ATXN1: variants seen among roughly 807,000 people sequenced by gnomAD.
ATXN1 encodes ataxin 1.
ATXN1 carries 8 observed loss-of-function variants against 56.4 expected under a neutral mutation model. The observed-to-expected ratio is 0.14, with a 90% CI of 0.08 to 0.26. The LOEUF (loss-of-function observed/expected upper bound fraction) is 0.26, where lower values mean the gene tolerates loss of function less well. Among genes scored for constraint, ATXN1 ranks in the 10% least tolerant of loss-of-function variants. ATXN1 has a pLI of 1.00. For missense variants in ATXN1, 987 were observed against 1,106.5 expected (o/e 0.89, Z 1.53); for synonymous variants, 514 against 494.6 (o/e 1.04, Z -0.52).
In ATXN1 at chr6:16,387,769, C is replaced by T. The variant is rs113357231; in HGVS notation, c.-160-59299G>A. On this transcript the variant is annotated intron_variant, in intron 6 of 7. Coordinates refer to ENST00000436367, the MANE Select transcript of ATXN1 (RefSeq NM_001128164.2). ...TAATTCTTCCTTCCACATAAAATATCGAATCAGGCTATCAGATATCTCCTG... is the reference window on the plus strand; with the variant it reads ...TAATTCTTCCTTCCACATAAAATATTGAATCAGGCTATCAGATATCTCCTG... Among the ~76,000 whole-genome samples, 919 of 152,218 alleles carry T rather than the reference C, an allele frequency of 6.0e-3. 6 individuals carry two copies. Among genetic ancestry groups the T allele is most frequent in the African/African-American group, 0.021 (853 of 41,510 alleles).
At chr6:16,707,155 T>C (rs558585973) in intron 2 of ATXN1, among the ~76,000 whole-genome samples, 3 of 152,284 alleles carry the variant, frequency 2.0e-5, no homozygotes, top group Admixed American at 6.5e-5. Context: ...GACAGAAATG[T>C]GGAAGCTAGC....
intron 6 of ATXN1, chr6:16,485,713 G>T (rs1760530208): frequency 6.6e-6 from 1 of 152,166 alleles, no homozygotes; most frequent in Non-Finnish European, 1.5e-5. Flanking sequence ...AAGAATCACT[G>T]TATTCCATCC....
chr6:16,481,237 G>A (rs1235595514), intron 6 of ATXN1, among the ~76,000 whole-genome samples: 4 of 152,184 alleles, frequency 2.6e-5, no homozygotes, highest in Non-Finnish European at 2.9e-5. Flanking sequence ...TCCAAAAGTG[G>A]TGGAATCTCC....
chr6:16,696,322 GA>G (rs1355694202), intron 2 of ATXN1, among the ~76,000 whole-genome samples: 1 of 152,174 alleles, frequency 6.6e-6, no homozygotes, highest in African/African-American at 2.4e-5. Flanking sequence ...CTGTGGCATC[GA>G]GAAGAATTAT....
At chr6:16,560,365 G>T (rs1762094175) in intron 4 of ATXN1, among the ~76,000 whole-genome samples, 1 of 134,266 alleles carries the variant, frequency 7.4e-6, no homozygotes, top group African/African-American at 2.8e-5. Context: ...GGAGGCGGAG[G>T]TTGCAGTGCA....
At chr6:16,496,318 T>C (rs1291981793) in intron 5 of ATXN1, among the ~76,000 whole-genome samples, 1 of 152,268 alleles carries the variant, frequency 6.6e-6, no homozygotes, top group Non-Finnish European at 1.5e-5. Context: ...GCATTATATC[T>C]AGGGATTACC....
At chr6:16,431,345 T>C (rs972870354) in intron 6 of ATXN1, among the ~76,000 whole-genome samples, 3 of 152,204 alleles carry the variant, frequency 2.0e-5, no homozygotes, top group South Asian at 2.1e-4. Context: ...ATTCAGTTTG[T>C]TCCACCCGTT....
intron 6 of ATXN1, among the ~76,000 whole-genome samples, chr6:16,337,578 T>A (rs1017882882): frequency 6.6e-6 from 1 of 152,236 alleles, no homozygotes; most frequent in African/African-American, 2.4e-5. Flanking sequence ...AGAGGTTGAG[T>A]TGGAGTTTTT....
At chr6:16,370,018 T>G (rs1762006478) in intron 6 of ATXN1, among the ~76,000 whole-genome samples, 1 of 152,196 alleles carries the variant, frequency 6.6e-6, no homozygotes, top group African/African-American at 2.4e-5. Context: ...TCCTCTACCA[T>G]TTTTGAAATG....
At chr6:16,344,971 G>A (rs1277201372) in intron 6 of ATXN1, among the ~76,000 whole-genome samples, 1 of 152,202 alleles carries the variant, frequency 6.6e-6, no homozygotes, top group Non-Finnish European at 1.5e-5. Context: ...AAACTCCGAT[G>A]CTGCTTAGAG....
intron 6 of ATXN1, among the ~76,000 whole-genome samples, chr6:16,358,103 A>G (rs1426985081): frequency 6.6e-6 from 1 of 152,184 alleles, no homozygotes; most frequent in African/African-American, 2.4e-5. Context: ...TTGGTTAGAG[A>G]GAGGAAAAGT....
chr6:16,373,850 G>A (rs1967660), intron 6 of ATXN1, among the ~76,000 whole-genome samples: 27,603 of 151,982 alleles, frequency 0.18, 2,578 homozygotes, highest in East Asian at 0.26. Context: ...GTCTTTATTA[G>A]CAGCATGAAA....
At chr6:16,714,199 A>C (rs4052879) in intron 2 of ATXN1, among the ~76,000 whole-genome samples, 1 of 136,054 alleles carries the variant, frequency 7.4e-6, no homozygotes. Flanking sequence ...ACACACACAC[A>C]CACACACACA....
chr6:16,517,004 A>G (rs927189430), intron 5 of ATXN1, among the ~76,000 whole-genome samples: 2 of 152,248 alleles, frequency 1.3e-5, no homozygotes, highest in Non-Finnish European at 2.9e-5. Flanking sequence ...TTTTCCCACT[A>G]GGAAATAATT....
chr6:16,558,313 A>G (rs1235917235), intron 4 of ATXN1, among the ~76,000 whole-genome samples: 5 of 151,046 alleles, frequency 3.3e-5, no homozygotes, highest in Admixed American at 1.3e-4. Context: ...AAAAAAAAAA[A>G]AAAAAGAAAA....
In ATXN1 at chr6:16,760,399, G is replaced by A. The variant is rs1223283296; in HGVS notation, c.-730+899C>T. ...CGCCGGCCCGGACTGGGGCGCTCGC[G>A]GGCTCCCGGCTCCGGGCGGCGGCTG... On this transcript the variant is annotated intron_variant, in intron 1 of 7. Transcript: ENST00000436367. The surrounding 1 kb of genome is among the most constrained non-coding windows in gnomAD (Gnocchi z 5.3). Among the ~76,000 whole-genome samples, 1 of 151,420 alleles carries A rather than the reference G, an allele frequency of 6.6e-6. No individual in the cohort carries two copies. Among genetic ancestry groups the A allele is most frequent in the Non-Finnish European group, 1.5e-5 (1 of 67,774 alleles).
intron 2 of ATXN1, among the ~76,000 whole-genome samples, chr6:16,693,565 G>A (rs967580442): frequency 2.0e-5 from 3 of 152,056 alleles, no homozygotes; most frequent in African/African-American, 7.3e-5. Context: ...CCTGGACACT[G>A]AACTGCTAAT....
chr6:16,428,694 A>C (rs192635610), intron 6 of ATXN1, among the ~76,000 whole-genome samples: 7 of 152,074 alleles, frequency 4.6e-5, no homozygotes, highest in Admixed American at 4.6e-4. Flanking sequence ...GGGAGATTTG[A>C]ACCCAGGCTG....
chr6:16,662,614 G>A lies in ATXN1; in HGVS notation c.-614-4713C>T, dbSNP rs550337955. Among the ~76,000 whole-genome samples, 17 of 152,298 alleles carry A rather than the reference G, an allele frequency of 1.1e-4. No individual in the cohort carries two copies. The East Asian group carries it at 2.3e-3, about 21-fold the overall frequency. On this transcript the variant is annotated intron_variant, in intron 2 of 7. Transcript: ENST00000436367. Reference sequence around the variant, plus strand: ...CTCCCAAAGTGCTGGGATTACAGGCGTGGGCCACTGCACCCGGCCATTCAT... The same window carrying A: ...CTCCCAAAGTGCTGGGATTACAGGCATGGGCCACTGCACCCGGCCATTCAT...
Sources: gnomAD v4.1 joint callset for allele counts (sites outside exome capture counted in the v4.1 genomes callset) on GRCh38, gnomAD v4.1.1 for gene constraint, Gnocchi (gnomAD v3.1) non-coding constraint, MANE v1.5 for transcripts, NCBI Gene and HGNC (gene_info 2026-07-23, HGNC 2026-07-21) for gene names.